The following NCOR2 variants were observed in gnomAD, a reference collection of about 807,000 sequenced individuals.
The protein encoded by NCOR2 is CTG repeat protein 26.
Under a neutral mutation model 262.9 loss-of-function variants are expected in NCOR2, and 81 were observed. The observed-to-expected ratio is 0.31, with a 90% CI of 0.26 to 0.37. The LOEUF (loss-of-function observed/expected upper bound fraction) is 0.37, where lower values mean the gene tolerates loss of function less well. Among genes scored for constraint, NCOR2 ranks in the 10% least tolerant of loss-of-function variants. NCOR2 has a pLI of 1.00. For synonymous variants in NCOR2, 1,659 were observed against 1,559.3 expected, an observed-to-expected ratio of 1.06 and a Z score of -1.51; for missense variants, 3,385 against 3,621.4, an observed-to-expected ratio of 0.93 and a Z score of 1.68.
chr12:124,366,484 T>C (rs1422244627), intron 20 of NCOR2, among the ~76,000 whole-genome samples: 1 of 152,112 alleles, frequency 6.6e-6, no homozygotes, highest in African/African-American at 2.4e-5. Context: ...TTTCTTAGTA[T>C]AACACTGAAT....
At chr12:124,540,451 G>A (rs569284944), upstream of NCOR2, among the ~76,000 whole-genome samples, 1 of 72,896 alleles carries the variant, frequency 1.4e-5, no homozygotes, top group Admixed American at 1.6e-4. Flanking sequence ...AGAGCTGGAG[G>A]GGGATGGAGG....
chr12:124,492,859 C>G (rs2048167232), intron 1 of NCOR2, among the ~76,000 whole-genome samples: 1 of 152,100 alleles, frequency 6.6e-6, no homozygotes, highest in Non-Finnish European at 1.5e-5. Flanking sequence ...GTGCCCAGAA[C>G]TCTTCCTCCT....
chr12:124,343,250 A>G (rs1413738356), intron 32 of NCOR2, 24 bp from the exon 35 acceptor site: 2 of 1,598,098 alleles, frequency 1.3e-6, no homozygotes, highest in Non-Finnish European at 8.5e-7. Context: ...AGGTGGATGC[A>G]TCGGGCCTCT....
chr12:124,366,415 T>A (rs536482888), intron 20 of NCOR2, among the ~76,000 whole-genome samples: 3 of 151,916 alleles, frequency 2.0e-5, no homozygotes, highest in Non-Finnish European at 4.4e-5. Context: ...AGGAGATGAG[T>A]GGGTGCCAGG....
chr12:124,426,051 T>C (rs935196897), intron 11 of NCOR2, among the ~76,000 whole-genome samples: 48 of 152,316 alleles, frequency 3.2e-4, no homozygotes, highest in African/African-American at 1.1e-3. Context: ...TGCCCAAGGC[T>C]GCGGCCCAGC....
At chr12:124,545,828 A>G (rs1165937495) in intron 1 of NCOR2, among the ~76,000 whole-genome samples, 2 of 152,108 alleles carry the variant, frequency 1.3e-5, no homozygotes, top group Non-Finnish European at 2.9e-5. Context: ...GGCGTGGAAC[A>G]GCCTTTCAGC....
intron 7 of NCOR2, among the ~76,000 whole-genome samples, chr12:124,439,423 AG>A (rs2044682246): frequency 3.7e-4 from 3 of 8,008 alleles, no homozygotes; most frequent in Non-Finnish European, 6.9e-4. Flanking sequence ...CCAGAGAGAG[AG>A]AGAGAGAGAC....
chr12:124,360,377 C>T lies in NCOR2; in HGVS notation c.3100+1749G>A, dbSNP rs117797983. The stretch of plus-strand genomic sequence containing the variant: ...GCCTCCAAAACAAACTCCCGATGCG[C>T]CCTTCCTTCCACCTCCACGGCCACC... On this transcript the variant is annotated intron_variant, in intron 22 of 46. Coordinates refer to ENST00000405201, the Ensembl canonical transcript of NCOR2. Among the ~76,000 whole-genome samples, 149 of 152,364 alleles carry T rather than the reference C, an allele frequency of 9.8e-4. No homozygotes were observed. In the East Asian group the frequency reaches 0.026, roughly 26 times the overall value.
intron 3 of NCOR2, among the ~76,000 whole-genome samples, chr12:124,473,812 G>A (rs1242976683): frequency 3.3e-5 from 5 of 151,978 alleles, no homozygotes; most frequent in Non-Finnish European, 5.9e-5. Context: ...GCATGAAAAC[G>A]GACTAATACA....
At chr12:124,346,960 G>C (rs2036981337) in intron 30 of NCOR2, 110 bp from the exon 33 acceptor site, 3 of 1,292,940 alleles carry the variant, frequency 2.3e-6, no homozygotes, top group Non-Finnish European at 1.0e-6. Flanking sequence ...ATCCCCACTT[G>C]CTGTGTGACC....
intron 18 of NCOR2, among the ~76,000 whole-genome samples, chr12:124,376,885 G>A (rs536985145): frequency 1.3e-5 from 2 of 152,320 alleles, no homozygotes; most frequent in South Asian, 2.1e-4. Flanking sequence ...GGGCTCCGCC[G>A]GGCTGCTTGT....
Position 124,429,652 on chromosome 12 carries a change from G to A in NCOR2, c.1110C>T (p.His370=), listed in dbSNP as rs747455948. 40 of 1,609,722 alleles carry A rather than the reference G, an allele frequency of 2.5e-5. No homozygotes were observed. The East Asian group carries it at 6.3e-4, about 25-fold the overall frequency. ...GGCCATCGATGATCTCTGACACCTC[G>A]TGCTCGCTGCGGGCGGCCGACATGG... Residue 370 remains histidine (H), a synonymous_variant, in exon 10 of 47, where the codon CAC becomes CAT. Transcript: ENST00000405201.
At chr12:124,476,830 C>T (rs1377890679) in intron 3 of NCOR2, among the ~76,000 whole-genome samples, 1 of 150,696 alleles carries the variant, frequency 6.6e-6, no homozygotes, top group Non-Finnish European at 1.5e-5. Context: ...GACATGGAGG[C>T]CGAGGCAGGA....
At chr12:124,357,402 C>T (rs2038035113) in intron 22 of NCOR2, among the ~76,000 whole-genome samples, 1 of 152,232 alleles carries the variant, frequency 6.6e-6, no homozygotes, top group Admixed American at 6.5e-5. Context: ...GATCTTCCCA[C>T]TTCAGGCTCC....
At chr12:124,413,196 G>T (rs1490556110) in intron 13 of NCOR2, among the ~76,000 whole-genome samples, 1 of 152,212 alleles carries the variant, frequency 6.6e-6, no homozygotes, top group Non-Finnish European at 1.5e-5. Context: ...ACCCACAGGA[G>T]GCACGTGGGC....
chr12:124,408,070 C>G (rs1031521485), intron 13 of NCOR2, among the ~76,000 whole-genome samples: 1 of 152,174 alleles, frequency 6.6e-6, no homozygotes, highest in Non-Finnish European at 1.5e-5. Context: ...TATACCAAGG[C>G]GTGGCGGGGC....
intron 7 of NCOR2, among the ~76,000 whole-genome samples, chr12:124,438,924 C>CCCAGAGAGAGGGAGAT (rs2044596024): frequency 8.8e-5 from 1 of 11,310 alleles, no homozygotes; most frequent in African/African-American, 5.5e-4. Flanking sequence ...GAGAGAGAGA[C>CCCAGAGAGAGGGAGAT]GGAGACCCAG....
chr12:124,412,568 C>G (rs1020228673), intron 13 of NCOR2, among the ~76,000 whole-genome samples: 1 of 152,244 alleles, frequency 6.6e-6, no homozygotes, highest in Admixed American at 6.5e-5. Flanking sequence ...GGGCCCTGGC[C>G]AGGGAGGCCG....
chr12:124,532,635 C>G (rs947485614), intron 1 of NCOR2, among the ~76,000 whole-genome samples: 40 of 152,314 alleles, frequency 2.6e-4, no homozygotes, highest in Non-Finnish European at 5.1e-4. Context: ...TTTTATCGTC[C>G]TCGGGTGGGC....
Sources: gnomAD v4.1 joint callset for allele counts (sites outside exome capture counted in the v4.1 genomes callset) on GRCh38, gnomAD v4.1.1 for gene constraint, MANE v1.5 for transcripts, NCBI Gene and HGNC (gene_info 2026-07-23, HGNC 2026-07-21) for gene names.